Variants in GSE1 observed in about 807,000 individuals in gnomAD.
GSE1 encodes genetic suppressor element 1.
Under a neutral mutation model 112.6 loss-of-function variants are expected in GSE1, and 32 were observed. The observed-to-expected ratio is 0.28, with a 90% CI of 0.21 to 0.38. The LOEUF is 0.38. GSE1 is among the 10% of genes least tolerant of loss of function. The pLI is 1.00. For synonymous variants in GSE1, 1,115 were observed against 735.6 expected (o/e 1.52, Z -8.35); for missense variants, 2,348 against 1,699.2 (o/e 1.38, Z -6.71).
chr16:85,661,283 A>C lies in GSE1; in HGVS notation c.1778A>C (p.Asn593Thr), dbSNP rs1171455715. ...ALWNPVSLMD[N>T]TLETRRAESH... ...TGGAACCCCGTGTCCCTGATGGACA[A>C]CACCTTGGAGACGCGGCGGGCCGAA... is the stretch of plus-strand genomic sequence containing the variant. Residue 593 changes from asparagine to threonine, a missense_variant, in exon 9 of 16, where the codon AAC (asparagine) becomes ACC (threonine). Coordinates refer to ENST00000253458, the MANE Select transcript of GSE1 (RefSeq NM_014615.5). 1 of 1,612,918 alleles carries C rather than the reference A, an allele frequency of 6.2e-7. No homozygotes were observed. Among genetic ancestry groups the C allele is most frequent in the African/African-American group, 1.3e-5 (1 of 75,048 alleles).
At chr16:85,634,731 G>A (rs549485458) in intron 2 of GSE1, among the ~76,000 whole-genome samples, 26 of 152,304 alleles carry the variant, frequency 1.7e-4, no homozygotes, top group Admixed American at 2.6e-4. Flanking sequence ...ACCTGGGCAC[G>A]TTGCTGATCC....
intron 2 of GSE1, among the ~76,000 whole-genome samples, chr16:85,482,991 A>AC (rs1303081757): frequency 8.5e-5 from 13 of 152,126 alleles, no homozygotes; most frequent in African/African-American, 3.1e-4. Context: ...AAAAAAAAAA[A>AC]AAAAAATACC....
In GSE1 at chr16:85,663,406, C is replaced by T. The variant is rs2052588665; in HGVS notation, c.2436C>T (p.Ala812=). ...TTQQQKEELV[A]QKRRKRRRML... ...AACAGCAGAAGGAGGAATTGGTGGC[C>T]CAGAAGCGGAGGAAGCGGCGGAGGA... The change falls in exon 11 of 16, where the codon GCC becomes GCT. Residue 812 remains alanine, a synonymous_variant. Coordinates refer to ENST00000253458, the MANE Select transcript of GSE1 (RefSeq NM_014615.5). 1 of 1,613,712 alleles carries T rather than the reference C, an allele frequency of 6.2e-7. No homozygotes were observed. Among genetic ancestry groups the T allele is most frequent in the South Asian group, 1.1e-5 (1 of 91,066 alleles).
At chr16:85,387,789 C>G (rs1200731665) in intron 2 of GSE1, among the ~76,000 whole-genome samples, 1 of 152,210 alleles carries the variant, frequency 6.6e-6, no homozygotes, top group Admixed American at 6.5e-5. Flanking sequence ...AGTAGGTGAT[C>G]AGTAAGTACT....
chr16:85,565,416 C>CA (rs1008834202), intron 1 of GSE1, among the ~76,000 whole-genome samples: 6 of 146,822 alleles, frequency 4.1e-5, no homozygotes, highest in South Asian at 2.1e-4. Flanking sequence ...CAAAAAAAAA[C>CA]AAAAAAACCA....
intron 1 of GSE1, among the ~76,000 whole-genome samples, chr16:85,262,319 T>C (rs778999052): frequency 1.3e-5 from 2 of 152,236 alleles, no homozygotes; most frequent in African/African-American, 4.8e-5. Flanking sequence ...CCTTTTATCA[T>C]GTGGTGACAC....
chr16:85,193,705 C>T (rs1025794482), intron 1 of GSE1, among the ~76,000 whole-genome samples: 5 of 152,252 alleles, frequency 3.3e-5, no homozygotes, highest in East Asian at 1.9e-4. Context: ...GTGATCCACC[C>T]GCCTCAGCCT....
intron 2 of GSE1, among the ~76,000 whole-genome samples, chr16:85,399,529 C>T (rs562666936): frequency 3.2e-4 from 48 of 152,346 alleles, no homozygotes; most frequent in South Asian, 6.2e-4. Context: ...CCCATCCTTG[C>T]GGGCTTTCAG....
At chr16:85,615,176 G>C (rs1350987900) in intron 1 of GSE1, among the ~76,000 whole-genome samples, 2 of 152,220 alleles carry the variant, frequency 1.3e-5, no homozygotes, top group African/African-American at 4.8e-5. Flanking sequence ...GGCAGAACCT[G>C]AGGCACAGGC....
intron 1 of GSE1, among the ~76,000 whole-genome samples, chr16:85,196,568 GT>G (rs2074932137): frequency 6.6e-6 from 1 of 152,112 alleles, no homozygotes; most frequent in Non-Finnish European, 1.5e-5. Flanking sequence ...AGTTTGGAGA[GT>G]TTTCTGGATT....
At position 85,221,054 on chromosome 16, in the gene GSE1, C is replaced by T. The variant is rs140517714; in HGVS notation, c.2283+49247C>T. ...CCTCCGGGCTGCCCCCTCTCCGAGA[C>T]CCTGCGGCTGGGAAAACCAGGCCCC... On this transcript the variant is annotated intron_variant, in intron 1 of 2. Coordinates refer to the GSE1 transcript ENST00000637419. Among the ~76,000 whole-genome samples the T allele has an allele frequency of 8.6e-3, 1,308 of 151,906 alleles. 9 individuals carry two copies. Among genetic ancestry groups the T allele is most frequent in the Middle Eastern group, 0.044 (13 of 294 alleles).
intron 2 of GSE1, among the ~76,000 whole-genome samples, chr16:85,368,459 C>G (rs1162992292): frequency 2.0e-5 from 3 of 152,244 alleles, no homozygotes; most frequent in African/African-American, 7.2e-5. Context: ...AATCCCAGCT[C>G]TTTGGGAGGC....
At chr16:85,489,699 G>T (rs1383734965) in intron 2 of GSE1, 6 of 152,252 alleles carry the variant, frequency 3.9e-5, no homozygotes, top group African/African-American at 1.4e-4. Context: ...CGTCTGAACT[G>T]GGGTGAATAT....
upstream of GSE1, among the ~76,000 whole-genome samples, chr16:85,551,736 G>A (rs1421987873): frequency 6.6e-6 from 1 of 152,246 alleles, no homozygotes; most frequent in Non-Finnish European, 1.5e-5. Context: ...CAGGGCCAAA[G>A]GAGGCTGGGC....
chr16:85,213,133 G>A (rs1328891348), intron 1 of GSE1, among the ~76,000 whole-genome samples: 2 of 152,068 alleles, frequency 1.3e-5, no homozygotes, highest in Non-Finnish European at 1.5e-5. Context: ...GCCAGCCGTG[G>A]TGGCGCATGC....
chr16:85,288,460 T>C (rs2045107348), intron 1 of GSE1, among the ~76,000 whole-genome samples: 1 of 145,754 alleles, frequency 6.9e-6, no homozygotes, highest in Non-Finnish European at 1.6e-5. Context: ...CAGAGCTGCC[T>C]CTTAGCCTGG....
rs762890426 is a variant in GSE1 at position 85,656,308 on chromosome 16, G to A, written c.990-35G>A. The A allele has an allele frequency of 1.3e-4, 209 of 1,605,650 alleles. 6 individuals carry two copies. The Admixed American group carries it at 3.5e-3, about 27-fold the overall frequency. ...CCCAGGTCCGTCTCTTGTTCCTGGT[G>A]CAGCAGAGCCCCCAACTCTTTCCAT... is the stretch of plus-strand genomic sequence containing the variant. On this transcript the variant is annotated intron_variant, in intron 6 of 15. Coordinates refer to ENST00000253458, the MANE Select transcript of GSE1 (RefSeq NM_014615.5).
At chr16:85,312,066 T>C (rs1253237218) in intron 1 of GSE1, among the ~76,000 whole-genome samples, 1 of 152,134 alleles carries the variant, frequency 6.6e-6, no homozygotes, top group Non-Finnish European at 1.5e-5. Context: ...CCTCTCTGCC[T>C]TGCACCCCCA....
chr16:85,500,998 G>GTTTTTTTT lies in GSE1; in HGVS notation c.2465-132898_2465-132891dup, dbSNP rs55650214. On this transcript the variant is annotated intron_variant, in intron 2 of 2. Coordinates refer to the GSE1 transcript ENST00000637419. Reference sequence around the variant, plus strand: ...ACCCTACTCCAGTATGGCCTGTTCTGTTTTTTTTTTTTTTTTTTTTTTTTT... The same window carrying GTTTTTTTT: ...ACCCTACTCCAGTATGGCCTGTTCTGTTTTTTTTTTTTTTTTTTTTTTTTTTTTTTTTT... Among the ~76,000 whole-genome samples, 98 of 64,836 alleles carry GTTTTTTTT rather than the reference G, an allele frequency of 1.5e-3. 10 individuals carry two copies. The highest frequency in any genetic ancestry group is 5.0e-3 in the East Asian group (9 of 1,818). 42.5% of individuals were successfully genotyped at this position (64,836 alleles called of 152,430 possible). A position where few individuals can be genotyped will look rare whatever the true frequency, so the allele number is the denominator to read the frequency against.
Sources: gnomAD v4.1 joint callset for allele counts (sites outside exome capture counted in the v4.1 genomes callset) on GRCh38, gnomAD v4.1.1 for gene constraint, MANE v1.5 for transcripts, NCBI Gene and HGNC (gene_info 2026-07-23, HGNC 2026-07-21) for gene names.